The following CLIC5 variants were observed in gnomAD, a reference collection of about 807,000 sequenced individuals.
CLIC5 encodes chloride intracellular channel protein 5.
A neutral mutation model predicts 24.7 loss-of-function variants in CLIC5; 20 were observed. The observed-to-expected ratio is 0.81, with a 90% CI of 0.57 to 1.18. The LOEUF (loss-of-function observed/expected upper bound fraction) is 1.18. CLIC5 is among the 50% of genes most tolerant of loss of function. The pLI, the probability that CLIC5 is intolerant of heterozygous loss-of-function variation, is 0.00. For synonymous variants in CLIC5, 159 were observed against 135.6 expected (o/e 1.17, Z -1.20); for missense variants, 341 against 326.1 (o/e 1.05, Z -0.35).
chr6:46,015,915 G>A, upstream of CLIC5: 1 of 1,007,196 alleles, frequency 9.9e-7, no homozygotes, highest in Non-Finnish European at 1.2e-6. Context: ...GGCGGGGTCA[G>A]CCGGGCGGGG....
At position 46,015,732 on chromosome 6, in the gene CLIC5, A is replaced by G. The variant is rs770237333; in HGVS notation, c.-190T>C. Reference sequence around the variant, plus strand: ...AGAGATCAGTGTCCCAGATGCTCACATGAAAAGGAGCGAAGCCGGGAGGAG... The same window carrying G: ...AGAGATCAGTGTCCCAGATGCTCACGTGAAAAGGAGCGAAGCCGGGAGGAG... On this transcript the variant is annotated 5_prime_UTR_variant, in exon 1 of 6. The change abolishes an upstream ATG in the 5' untranslated region. Transcript: ENST00000339561. The G allele has an allele frequency of 2.4e-6, 3 of 1,241,294 alleles. No individual in the cohort carries two copies. Among genetic ancestry groups the G allele is most frequent in the Non-Finnish European group, 2.0e-6 (2 of 992,148 alleles). 76.9% of individuals were successfully genotyped at this position (1,241,294 alleles called of 1,614,324 possible). A position where few individuals can be genotyped will look rare whatever the true frequency, so the allele number is the denominator to read the frequency against.
chr6:46,049,692 A>G (rs552460065), intron 1 of CLIC5, among the ~76,000 whole-genome samples: 1 of 152,236 alleles, frequency 6.6e-6, no homozygotes, highest in Non-Finnish European at 1.5e-5. Context: ...GGTTGGGTAA[A>G]TTAACTCAGG....
At chr6:45,986,898 G>A (rs1417333589) in intron 1 of CLIC5, among the ~76,000 whole-genome samples, 1 of 152,216 alleles carries the variant, frequency 6.6e-6, no homozygotes, top group African/African-American at 2.4e-5. Context: ...CTTGTGCAGG[G>A]ACAGAAGACC....
At chr6:45,905,394 T>C (rs1561920905) in intron 5 of CLIC5, among the ~76,000 whole-genome samples, 1 of 152,156 alleles carries the variant, frequency 6.6e-6, no homozygotes, top group Non-Finnish European at 1.5e-5. Context: ...TTTTTGACTT[T>C]TTCACAATAG....
At chr6:46,075,194 T>C (rs967248396) in intron 1 of CLIC5, among the ~76,000 whole-genome samples, 1 of 152,204 alleles carries the variant, frequency 6.6e-6, no homozygotes, top group Admixed American at 6.5e-5. Flanking sequence ...ATGAGGAAAT[T>C]GAGGCTGAGA....
intron 6 of CLIC5, among the ~76,000 whole-genome samples, chr6:45,881,992 A>G (rs79109412): frequency 9.5e-4 from 145 of 152,072 alleles, no homozygotes; most frequent in African/African-American, 3.3e-3. Flanking sequence ...AAAAAAAAAA[A>G]AGTGATGTGA....
chr6:46,071,412 A>T (rs762773807), intron 1 of CLIC5, among the ~76,000 whole-genome samples: 4 of 152,160 alleles, frequency 2.6e-5, no homozygotes, highest in Non-Finnish European at 4.4e-5. Context: ...AAACAATCCC[A>T]TTAAAAAGTG....
At position 45,898,477 on chromosome 6, in the gene CLIC5, C is replaced by T. The variant is rs527998231; in HGVS notation, c.*4611G>A. 2.0e-5 allele frequency: 3 copies of T among 152,666 alleles called. No individual in the cohort carries two copies. The highest frequency in any genetic ancestry group is 7.2e-5 in the African/African-American group (3 of 41,562). 9.5% of individuals were successfully genotyped at this position (152,666 alleles called of 1,614,324 possible). A position where few individuals can be genotyped will look rare whatever the true frequency, so the allele number is the denominator to read the frequency against. On this transcript the variant is annotated 3_prime_UTR_variant, in exon 6 of 6. Coordinates refer to ENST00000339561, the MANE Select transcript of CLIC5 (RefSeq NM_016929.5). ...TTTGTAATATTTGAAAATAAACCAACTTTATTTGAATCAGTCAATACCAAT... is the reference window on the plus strand; with the variant it reads ...TTTGTAATATTTGAAAATAAACCAATTTTATTTGAATCAGTCAATACCAAT...
At chr6:46,044,411 C>T (rs1030060258) in intron 1 of CLIC5, among the ~76,000 whole-genome samples, 7 of 152,128 alleles carry the variant, frequency 4.6e-5, no homozygotes, top group African/African-American at 1.7e-4. Flanking sequence ...GAAATGGTGG[C>T]TTTGGAAAGA....
In CLIC5 at chr6:45,943,137, C is replaced by T. The variant is rs146751507; in HGVS notation, c.300-1484G>A. On this transcript the variant is annotated intron_variant, in intron 3 of 5. Coordinates refer to ENST00000339561, the MANE Select transcript of CLIC5 (RefSeq NM_016929.5). ...TAGCCTAATTTCCTACATGAGGAAA[C>T]GGTGGCATAGAGAGGTTAAGCAATT... Among the ~76,000 whole-genome samples the T allele has an allele frequency of 9.2e-5, 14 of 152,364 alleles. 1 individual carries two copies. Among genetic ancestry groups the T allele is most frequent in the Middle Eastern group, 3.4e-3 (1 of 294 alleles).
At position 45,899,145 on chromosome 6, in the gene CLIC5, A is replaced by T. The variant is rs1762446401; in HGVS notation, c.*3943T>A. On this transcript the variant is annotated 3_prime_UTR_variant, in exon 6 of 6. Transcript: ENST00000339561. The stretch of plus-strand genomic sequence containing the variant: ...GGGCACATGTTGCTTGATTTGAATG[A>T]TAAAGAGAAATGGATAGAAGACAAT... The T allele has an allele frequency of 6.6e-6, 1 of 152,216 alleles. No homozygotes were observed. The highest frequency in any genetic ancestry group is 1.5e-5 in the Non-Finnish European group (1 of 68,046). 9.4% of individuals were successfully genotyped at this position (152,216 alleles called of 1,614,324 possible).
chr6:45,967,535 A>G (rs2127400165), intron 1 of CLIC5, among the ~76,000 whole-genome samples: 1 of 152,298 alleles, frequency 6.6e-6, no homozygotes, highest in Middle Eastern at 3.4e-3. Context: ...ATCCAGGCAG[A>G]AGTGATGGCA....
rs552368840 is a variant in CLIC5, at chr6:45,976,755, G to A, written c.64-21511C>T. On this transcript the variant is annotated intron_variant, in intron 1 of 5. Transcript: ENST00000339561. ...AGTATTAATAATCACTCCAGACTCT[G>A]TCTAAATATTCAAATGGGTAATGGA... Among the ~76,000 whole-genome samples, 7 of 152,252 alleles carry A rather than the reference G, an allele frequency of 4.6e-5. No homozygotes were observed. The East Asian group carries it at 1.4e-3, about 29-fold the overall frequency.
intron 1 of CLIC5, among the ~76,000 whole-genome samples, chr6:46,038,264 G>T (rs1767717401): frequency 6.6e-6 from 1 of 152,154 alleles, no homozygotes; most frequent in African/African-American, 2.4e-5. Context: ...AATAATATTT[G>T]TTGTATAAAT....
rs751292193 is a variant in CLIC5, at chr6:46,015,484, A to AC, written c.58dup (p.Val20GlyfsTer43). On this transcript the variant is annotated frameshift_variant, in exon 1 of 6. Transcript: ENST00000339561. LOFTEE classifies it high-confidence loss of function. ...GGAGACTGGACCCCGACCTACCTTC[A>AC]CAAAGAGCTCGATCTCGGGGTCCCT... The AC allele has an allele frequency of 3.9e-6, 6 of 1,546,186 alleles. No individual in the cohort carries two copies. Among genetic ancestry groups the AC allele is most frequent in the Non-Finnish European group, 4.4e-6 (5 of 1,146,314 alleles).
At chr6:46,117,226 A>G in the CLIC5 span, among the ~76,000 whole-genome samples, 1 of 152,182 alleles carries the variant, frequency 6.6e-6, no homozygotes, top group Admixed American at 6.5e-5. Flanking sequence ...ACACCAGGAT[A>G]CCAGGTTACC....
chr6:45,926,420 T>A (rs1020641959), intron 4 of CLIC5, among the ~76,000 whole-genome samples: 6 of 150,920 alleles, frequency 4.0e-5, no homozygotes, highest in Non-Finnish European at 8.9e-5. Flanking sequence ...GCTAAATTTT[T>A]TTTTTTTTTG....
At chr6:46,093,992 T>C in the CLIC5 span, among the ~76,000 whole-genome samples, 4 of 152,176 alleles carry the variant, frequency 2.6e-5, no homozygotes, top group South Asian at 6.2e-4. Context: ...CTCAGGAAGC[T>C]TTTACTCATG....
At chr6:46,066,236 A>C (rs1762439772) in intron 1 of CLIC5, among the ~76,000 whole-genome samples, 1 of 152,124 alleles carries the variant, frequency 6.6e-6, no homozygotes, top group Non-Finnish European at 1.5e-5. Flanking sequence ...TGGGTTCCAA[A>C]ACCTGCTGCT....
Sources: allele counts gnomAD v4.1 joint callset (sites outside exome capture counted in the v4.1 genomes callset), GRCh38; gene constraint gnomAD v4.1.1; transcripts MANE v1.5; gene names NCBI Gene and HGNC (gene_info 2026-07-23, HGNC 2026-07-21).